TMEM132C: variants seen among roughly 807,000 people sequenced by gnomAD.
TMEM132C encodes transmembrane protein 132C, also known as protein phosphatase 1, regulatory subunit 152.
A neutral mutation model predicts 61.4 loss-of-function variants in TMEM132C; 29 were observed. The ratio of observed to expected loss-of-function variants is 0.47; its 90% CI spans 0.35 to 0.64. The LOEUF (loss-of-function observed/expected upper bound fraction) is 0.64, where lower values mean the gene tolerates loss of function less well. Among genes scored for constraint, TMEM132C ranks in the 30% least tolerant of loss-of-function variants. The probability of loss-of-function intolerance (pLI) is 0.00; values close to 1 mark genes in which losing one functional copy is unlikely to be tolerated. For synonymous variants in TMEM132C, 656 were observed against 633.1 expected, an observed-to-expected ratio of 1.04 and a Z score of -0.54; for missense variants, 1,408 against 1,476.9, an observed-to-expected ratio of 0.95 and a Z score of 0.76.
intron 3 of TMEM132C, among the ~76,000 whole-genome samples, chr12:128,598,945 T>G (rs1328453323): frequency 6.6e-6 from 1 of 152,162 alleles, no homozygotes; most frequent in African/African-American, 2.4e-5. Context: ...CGTTGAGTGA[T>G]CCCTGCAAAC....
intron 4 of TMEM132C, among the ~76,000 whole-genome samples, chr12:128,618,515 T>C (rs7972738): frequency 0.21 from 31,993 of 152,194 alleles, 3,472 homozygotes; most frequent in South Asian, 0.33. Context: ...ATGGTTTGGC[T>C]GTGTCCCTAC....
chr12:128,618,338 A>G (rs1431129110), intron 4 of TMEM132C, among the ~76,000 whole-genome samples: 1 of 137,830 alleles, frequency 7.3e-6, no homozygotes, highest in East Asian at 2.2e-4. Flanking sequence ...GGTAAAGTGA[A>G]GTGATTACTA....
At chr12:128,416,683 CA>C (rs1868790973) in intron 2 of TMEM132C, among the ~76,000 whole-genome samples, 1 of 152,018 alleles carries the variant, frequency 6.6e-6, no homozygotes, top group African/African-American at 2.4e-5. Flanking sequence ...TTTTCATTTA[CA>C]AAAAGGTTCA....
At chr12:128,529,310 G>C (rs112646617) in intron 2 of TMEM132C, among the ~76,000 whole-genome samples, 7,942 of 151,986 alleles carry the variant, frequency 0.052, 723 homozygotes, top group African/African-American at 0.18. Flanking sequence ...CATTTGTCTG[G>C]ATCTAACAGC....
At chr12:128,437,791 ACT>A (rs1396264865) in intron 2 of TMEM132C, 3 of 151,692 alleles carry the variant, frequency 2.0e-5, no homozygotes, top group Non-Finnish European at 4.4e-5. Context: ...TGGAGTAGAA[ACT>A]CTCAGAGAGG....
chr12:128,356,243 C>T (rs940393899), intron 1 of TMEM132C, among the ~76,000 whole-genome samples: 8 of 152,206 alleles, frequency 5.3e-5, no homozygotes, highest in Admixed American at 1.3e-4. Flanking sequence ...ATCCAGGAGG[C>T]TGACTTTGTA....
At chr12:128,333,795 CTTGT>C (rs1344279948) in intron 1 of TMEM132C, among the ~76,000 whole-genome samples, 2 of 143,740 alleles carry the variant, frequency 1.4e-5, no homozygotes, top group Non-Finnish European at 3.0e-5. Context: ...ATATGTGTGG[CTTGT>C]TTGTGGTGTG....
chr12:128,460,111 C>T (rs1328744701), intron 2 of TMEM132C, among the ~76,000 whole-genome samples: 7 of 152,000 alleles, frequency 4.6e-5, no homozygotes, highest in East Asian at 1.9e-4. Context: ...GAAGAGAACT[C>T]GTTGGGAGAT....
intron 1 of TMEM132C, among the ~76,000 whole-genome samples, chr12:128,329,117 G>GC (rs1872604670): frequency 6.6e-6 from 1 of 152,154 alleles, no homozygotes. Context: ...GACATCATTG[G>GC]CCAAGGCAAG....
At chr12:128,665,155 T>TA in intron 4 of TMEM132C, among the ~76,000 whole-genome samples, 1 of 84,780 alleles carries the variant, frequency 1.2e-5, no homozygotes, top group Middle Eastern at 8.9e-3. Context: ...ATGCACACAC[T>TA]CACACATACA....
chr12:128,617,224 G>A (rs975289346), intron 4 of TMEM132C, among the ~76,000 whole-genome samples: 2 of 152,172 alleles, frequency 1.3e-5, no homozygotes, highest in South Asian at 2.1e-4. Context: ...AGGGGCCCAC[G>A]TGTGCAAATG....
chr12:128,654,435 C>A lies in TMEM132C; in HGVS notation c.1306-14982C>A, dbSNP rs377540922. ...GATTTCAAAGTTCTGGCCTCCAGAA[C>A]AGTGAGAGAATAAATTTCAGTCGTT... On this transcript the variant is annotated intron_variant, in intron 4 of 8. Transcript: ENST00000435159. Among the ~76,000 whole-genome samples the A allele has an allele frequency of 2.2e-4, 33 of 152,304 alleles. No homozygotes were observed. The East Asian group carries it at 5.8e-3, about 27-fold the overall frequency.
intron 8 of TMEM132C, among the ~76,000 whole-genome samples, chr12:128,703,209 T>A (rs1207428318): frequency 6.6e-6 from 1 of 152,184 alleles, no homozygotes; most frequent in Non-Finnish European, 1.5e-5. Context: ...TACACTTGTG[T>A]CATGGGGGTT....
chr12:128,268,333 GT>G (rs1870386873), intron 1 of TMEM132C, among the ~76,000 whole-genome samples: 1 of 152,212 alleles, frequency 6.6e-6, no homozygotes. Context: ...TATTATGTGC[GT>G]GTGCGGCCGA....
chr12:128,706,336 T>C lies in TMEM132C; in HGVS notation c.*41T>C. On this transcript the variant is annotated 3_prime_UTR_variant, in exon 9 of 9. Transcript: ENST00000435159. ...GGGCCCTGCCCAGATGCCTTCCTTG[T>C]ACTGGAAACTGGCCCAAGTGGGGCA... is the stretch of plus-strand genomic sequence containing the variant. 1 of 1,461,746 alleles carries C rather than the reference T, an allele frequency of 6.8e-7. No individual in the cohort carries two copies. Among genetic ancestry groups the C allele is most frequent in the Non-Finnish European group, 9.0e-7 (1 of 1,108,390 alleles). The allele number at this position is 1,461,746 out of a possible 1,614,324, so 90.5% of individuals were successfully genotyped here.
chr12:128,487,769 A>G (rs1193327466), intron 2 of TMEM132C, among the ~76,000 whole-genome samples: 2 of 152,012 alleles, frequency 1.3e-5, no homozygotes, highest in South Asian at 4.2e-4. Flanking sequence ...GGGCCCCTTC[A>G]TAGTCAAGGA....
At chr12:128,444,471 T>C (rs1319032756) in intron 2 of TMEM132C, among the ~76,000 whole-genome samples, 1 of 152,124 alleles carries the variant, frequency 6.6e-6, no homozygotes, top group Admixed American at 6.5e-5. Context: ...AAGATGCCCT[T>C]GATGTTTGCA....
intron 3 of TMEM132C, among the ~76,000 whole-genome samples, chr12:128,564,396 G>A (rs1173177242): frequency 6.6e-6 from 1 of 152,174 alleles, no homozygotes; most frequent in Non-Finnish European, 1.5e-5. Context: ...ATCATCTCCA[G>A]CAGTGCCCCG....
chr12:128,408,072 G>A (rs1875409342), intron 1 of TMEM132C, among the ~76,000 whole-genome samples: 1 of 152,066 alleles, frequency 6.6e-6, no homozygotes, highest in Admixed American at 6.6e-5. Context: ...TCAGGAGCTG[G>A]AAGAATTCAG....
Sources: gnomAD v4.1 joint callset for allele counts (sites outside exome capture counted in the v4.1 genomes callset) on GRCh38, gnomAD v4.1.1 for gene constraint, MANE v1.5 for transcripts, NCBI Gene and HGNC (gene_info 2026-07-23, HGNC 2026-07-21) for gene names.